Variants in EDN3 observed in about 807,000 individuals in gnomAD.
EDN3 encodes endothelin 3.
Under a neutral mutation model 21.4 loss-of-function variants are expected in EDN3, and 9 were observed. That is an observed-to-expected ratio of 0.42 (90% CI 0.25 to 0.73). The LOEUF (loss-of-function observed/expected upper bound fraction) is 0.73, where lower values mean the gene tolerates loss of function less well. Ranked by LOEUF, EDN3 falls within the 30% of genes least tolerant of loss-of-function variation. EDN3 has a pLI of 0.26. For missense variants in EDN3, 327 were observed against 309.4 expected (o/e 1.06, Z -0.43); for synonymous variants, 133 against 126.2 (o/e 1.05, Z -0.36).
rs145414258 is a variant in EDN3 at position 59,301,651 on chromosome 20, G to A, written c.294G>A (p.Thr98=). The change falls in exon 2 of 5, where the codon ACG becomes ACA. Residue 98 remains threonine, a synonymous_variant. Coordinates refer to ENST00000337938, the MANE Select transcript of EDN3 (RefSeq NM_207034.3). ...APEHHRSRRC[T]CFTYKDKECV... ...AGCACCACCGATCCAGGCGCTGCACGTGCTTCACCTACAAGGACAAGGAGT... is the reference window on the plus strand; with the variant it reads ...AGCACCACCGATCCAGGCGCTGCACATGCTTCACCTACAAGGACAAGGAGT... The A allele has an allele frequency of 1.9e-6, 3 of 1,614,202 alleles. No individual in the cohort carries two copies. Among genetic ancestry groups the A allele is most frequent in the South Asian group, 1.1e-5 (1 of 91,086 alleles).
chr20:59,314,254 GA>G (rs1241517113), intron 2 of EDN3, among the ~76,000 whole-genome samples: 5 of 152,200 alleles, frequency 3.3e-5, no homozygotes, highest in African/African-American at 1.2e-4. Flanking sequence ...TTGTCGCAGT[GA>G]AGAAAATTTT....
chr20:59,312,171 T>C (rs1439707543), intron 2 of EDN3, among the ~76,000 whole-genome samples: 1 of 152,194 alleles, frequency 6.6e-6, no homozygotes, highest in African/African-American at 2.4e-5. Flanking sequence ...ATAATGAGGC[T>C]GGGCCAGGCA....
intron 2 of EDN3, among the ~76,000 whole-genome samples, chr20:59,303,230 G>A (rs530877968): frequency 4.7e-4 from 72 of 152,326 alleles, no homozygotes; most frequent in African/African-American, 1.7e-3. Context: ...TGCTGGCTGG[G>A]CTGTGTCCAC....
Position 59,324,255 on chromosome 20 carries a change from C to T in EDN3, c.589-76C>T, listed in dbSNP as rs577717059. 5.4e-4 allele frequency: 857 copies of T among 1,592,632 alleles called. 7 individuals carry two copies. The South Asian group carries it at 8.3e-3, about 15-fold the overall frequency. ...AGTGGGAAGACGTTCCCTTTTTCAG[C>T]TTCACAGAACTACAGAGCTACACTT... On this transcript the variant is annotated intron_variant, in intron 4 of 4. Coordinates refer to ENST00000337938, the MANE Select transcript of EDN3 (RefSeq NM_207034.3).
chr20:59,323,815 G>C (rs1341908649), intron 4 of EDN3: 1 of 438,982 alleles, frequency 2.3e-6, no homozygotes, highest in Non-Finnish European at 4.0e-6. Flanking sequence ...CGGTCCTTTT[G>C]CTGTTGTGGT....
At position 59,324,483 on chromosome 20, in the gene EDN3, G is replaced by A. The variant is rs1990731792; in HGVS notation, c.*24G>A. ...AGGAGGACAGGCCTGCAGCATCCTG[G>A]TCTCGGGAGGCTTCTGTCATTGCTC... is the stretch of plus-strand genomic sequence containing the variant. On this transcript the variant is annotated 3_prime_UTR_variant, in exon 5 of 5. Coordinates refer to ENST00000337938, the MANE Select transcript of EDN3 (RefSeq NM_207034.3). The A allele has an allele frequency of 6.2e-7, 1 of 1,613,768 alleles. No individual in the cohort carries two copies. The highest frequency in any genetic ancestry group is 1.1e-5 in the South Asian group (1 of 91,042).
At chr20:59,315,001 T>C (rs1232907256) in intron 2 of EDN3, among the ~76,000 whole-genome samples, 2 of 152,216 alleles carry the variant, frequency 1.3e-5, no homozygotes, top group African/African-American at 2.4e-5. Context: ...TTGTTTTTTC[T>C]AAGGGTATTT....
In EDN3 at chr20:59,325,436, T is replaced by G. The variant is rs1990783830; in HGVS notation, c.*977T>G. ...CCCACCGAGCCGAGCTTACTGTGAGTGTGGAGATGTTATCCCACCATGTAA... is the reference window on the plus strand; with the variant it reads ...CCCACCGAGCCGAGCTTACTGTGAGGGTGGAGATGTTATCCCACCATGTAA... On this transcript the variant is annotated 3_prime_UTR_variant, in exon 5 of 5. Coordinates refer to ENST00000337938, the MANE Select transcript of EDN3 (RefSeq NM_207034.3). 6.6e-6 allele frequency: 1 copy of G among 152,190 alleles called. No individual in the cohort carries two copies. 9.4% of individuals were successfully genotyped at this position (152,190 alleles called of 1,614,324 possible). A position where few individuals can be genotyped will look rare whatever the true frequency, so the allele number is the denominator to read the frequency against.
intron 2 of EDN3, among the ~76,000 whole-genome samples, chr20:59,314,485 G>C (rs568513309): frequency 6.6e-4 from 101 of 152,180 alleles, no homozygotes; most frequent in African/African-American, 2.3e-3. Context: ...TCTGAAAGGA[G>C]AGGTGTTAGG....
At chr20:59,304,323 T>C (rs1989247149) in intron 2 of EDN3, among the ~76,000 whole-genome samples, 1 of 152,234 alleles carries the variant, frequency 6.6e-6, no homozygotes, top group African/African-American at 2.4e-5. Context: ...CTAGTGGTTC[T>C]GTCTCCCCAT....
chr20:59,316,341 C>A (rs765115538), intron 2 of EDN3, among the ~76,000 whole-genome samples: 6 of 152,172 alleles, frequency 3.9e-5, no homozygotes, highest in Non-Finnish European at 8.8e-5. Context: ...TAGTCCAGCG[C>A]CTGCATGTTG....
chr20:59,309,992 A>T (rs979755082), intron 2 of EDN3, among the ~76,000 whole-genome samples: 1 of 152,140 alleles, frequency 6.6e-6, no homozygotes, highest in African/African-American at 2.4e-5. Flanking sequence ...ACCCCGAGGG[A>T]GAATTTGGAT....
rs11570307 is a variant in EDN3, at chr20:59,312,984, A to G, written c.366-8033A>G. Among the ~76,000 whole-genome samples the G allele has an allele frequency of 5.8e-3, 880 of 152,292 alleles. 9 individuals carry two copies. The highest frequency in any genetic ancestry group is 0.043 in the South Asian group (206 of 4,814). On this transcript the variant is annotated intron_variant, in intron 2 of 4. Transcript: ENST00000337938. ...TCTACGCAGCCTAGTTTGTCCACCAAGGTGCTGATGTGGCCTGCAGGAGTT... is the reference window on the plus strand; with the variant it reads ...TCTACGCAGCCTAGTTTGTCCACCAGGGTGCTGATGTGGCCTGCAGGAGTT...
chr20:59,302,947 G>A (rs1450157652), intron 2 of EDN3, among the ~76,000 whole-genome samples: 1 of 152,140 alleles, frequency 6.6e-6, no homozygotes, highest in Non-Finnish European at 1.5e-5. Flanking sequence ...AAACCTGAGG[G>A]GTGGAATGTC....
chr20:59,312,931 C>T (rs962305589), intron 2 of EDN3, among the ~76,000 whole-genome samples: 5 of 152,176 alleles, frequency 3.3e-5, no homozygotes, highest in African/African-American at 1.2e-4. Flanking sequence ...CTTAGTAAAG[C>T]CTCTGTTTTG....
Position 59,301,406 on chromosome 20 carries a change from G to A in EDN3, c.53-4G>A. On this transcript the variant is annotated splice_region_variant and splice_polypyrimidine_tract_variant and intron_variant, in intron 1 of 4. Coordinates refer to ENST00000337938, the MANE Select transcript of EDN3 (RefSeq NM_207034.3). ...TTAGGAGCCCCTCAATCTGCCTTCT[G>A]CAGGATTCGTGCCTTGCTCCCAGTC... 2 of 1,608,554 alleles carry A rather than the reference G, an allele frequency of 1.2e-6. No homozygotes were observed. Among genetic ancestry groups the A allele is most frequent in the Non-Finnish European group, 1.7e-6 (2 of 1,179,982 alleles).
chr20:59,323,178 C>T (rs2146886279), intron 4 of EDN3, among the ~76,000 whole-genome samples: 1 of 152,218 alleles, frequency 6.6e-6, no homozygotes, highest in Admixed American at 6.5e-5. Flanking sequence ...TGGCAGATCG[C>T]TTCTAGTCTA....
intron 2 of EDN3, among the ~76,000 whole-genome samples, chr20:59,313,702 A>G (rs1036924423): frequency 2.2e-4 from 34 of 152,198 alleles, no homozygotes; most frequent in African/African-American, 8.2e-4. Context: ...GGTCCTCCCA[A>G]CTTTAAGCCG....
chr20:59,312,917 C>T (rs1989926254), intron 2 of EDN3, among the ~76,000 whole-genome samples: 9 of 152,180 alleles, frequency 5.9e-5, no homozygotes, highest in Admixed American at 5.9e-4. Flanking sequence ...CCTGGGTCTT[C>T]CAGCTTAGTA....
Sources: allele counts gnomAD v4.1 joint callset (sites outside exome capture counted in the v4.1 genomes callset), GRCh38; gene constraint gnomAD v4.1.1; transcripts MANE v1.5; gene names NCBI Gene and HGNC (gene_info 2026-07-23, HGNC 2026-07-21).